The following AP1S2 variants were observed in gnomAD, a reference collection of about 807,000 sequenced individuals.
The protein encoded by AP1S2 is adaptor related protein complex 1 subunit sigma 2.
In AP1S2, 1 loss-of-function variant was observed where a neutral mutation model predicts 14.3. That is an observed-to-expected ratio of 0.07 (90% CI 0.02 to 0.33). The LOEUF is 0.33. Ranked by LOEUF, AP1S2 falls within the 10% of genes least tolerant of loss-of-function variation. AP1S2 has a pLI of 0.99. For synonymous variants in AP1S2, 30 were observed against 40.5 expected, an observed-to-expected ratio of 0.74 and a Z score of 0.99; for missense variants, 30 against 117.7, an observed-to-expected ratio of 0.25 and a Z score of 3.45.
intron 1 of AP1S2, among the ~76,000 whole-genome samples, chrX:15,853,507 CT>C (rs1229338237): frequency 3.6e-5 from 4 of 111,950 alleles, no homozygotes; most frequent in Non-Finnish European, 7.5e-5. Flanking sequence ...ATCCTTTTTT[CT>C]TTTAATCACT....
rs1933290847 is a variant in AP1S2 at position 15,827,172 on chromosome X, A to T, written c.*153T>A. The T allele has an allele frequency of 8.2e-6, 4 of 489,027 alleles. No individual in the cohort carries two copies. The highest frequency in any genetic ancestry group is 3.0e-5 in the South Asian group (1 of 32,825). 40.3% of individuals were successfully genotyped at this position (489,027 alleles called of 1,213,427 possible). ...ACTTAATTAACTAAAGTTCCCTTTTAAAAAAAAATTGTGTAGGCATGAATG... is the reference window on the plus strand; with the variant it reads ...ACTTAATTAACTAAAGTTCCCTTTTTAAAAAAAATTGTGTAGGCATGAATG... On this transcript the variant is annotated 3_prime_UTR_variant, in exon 6 of 6. Coordinates refer to ENST00000672987, the MANE Select transcript of AP1S2 (RefSeq NM_001272071.2).
At chrX:15,848,480 G>A (rs776049526) in intron 2 of AP1S2, among the ~76,000 whole-genome samples, 45 of 111,556 alleles carry the variant, frequency 4.0e-4, no homozygotes, top group Non-Finnish European at 7.5e-4. Flanking sequence ...CCCATACCTG[G>A]CAAAAATTAA....
At chrX:15,848,250 C>G in intron 2 of AP1S2, among the ~76,000 whole-genome samples, 1 of 111,415 alleles carries the variant, frequency 9.0e-6, no homozygotes, top group Non-Finnish European at 1.9e-5. Flanking sequence ...AATTAAGTAC[C>G]ATTCACTGAA....
At position 15,834,458 on chromosome X, in the gene AP1S2, AT is replaced by A. The variant is rs1489396986; in HGVS notation, c.427-6259del. ...TTCCAAAATATATATATATATATAT[AT>A]ATATATATATATATATATATAATTT... is the stretch of plus-strand genomic sequence containing the variant. On this transcript the variant is annotated intron_variant, in intron 4 of 5. Transcript: ENST00000672987. Among the ~76,000 whole-genome samples, 78 of 32,796 alleles carry A rather than the reference AT, an allele frequency of 2.4e-3. 2 individuals are homozygous for A. The highest frequency in any genetic ancestry group is 8.3e-3 in the African/African-American group (54 of 6,526). 28.5% of individuals were successfully genotyped at this position (32,796 alleles called of 115,157 possible). A position where few individuals can be genotyped will look rare whatever the true frequency, so the allele number is the denominator to read the frequency against.
intron 1 of AP1S2, chrX:15,852,836 A>T (rs1348531473): frequency 4.1e-6 from 3 of 739,390 alleles, no homozygotes; most frequent in Non-Finnish European, 4.8e-6. Context: ...TCAATTTAAG[A>T]AACTATTTTC....
chrX:15,853,601 CG>C (rs1934241677), intron 1 of AP1S2, among the ~76,000 whole-genome samples: 1 of 111,970 alleles, frequency 8.9e-6, no homozygotes, highest in African/African-American at 3.3e-5. Flanking sequence ...AATTTGAACA[CG>C]GGGAGGGGAA....
At chrX:15,843,148 T>C (rs1473738513) in intron 4 of AP1S2, among the ~76,000 whole-genome samples, 2 of 112,142 alleles carry the variant, frequency 1.8e-5, no homozygotes, top group African/African-American at 3.2e-5. Context: ...TAAATGTGGA[T>C]CTGCAATAAT....
intron 2 of AP1S2, among the ~76,000 whole-genome samples, chrX:15,847,184 A>G (rs1182257587): frequency 9.0e-6 from 1 of 111,705 alleles, no homozygotes; most frequent in African/African-American, 3.3e-5. Flanking sequence ...TTTGAGACTC[A>G]ATGAATTCTT....
At chrX:15,830,533 T>C (rs1933401190) in intron 4 of AP1S2, 1 of 693,550 alleles carries the variant, frequency 1.4e-6, no homozygotes, top group Non-Finnish European at 1.7e-6. Flanking sequence ...AACTTAGGCT[T>C]TATGCTCTCT....
intron 4 of AP1S2, chrX:15,830,633 T>C (rs1359428898): frequency 1.6e-6 from 1 of 626,546 alleles, no homozygotes; most frequent in Non-Finnish European, 1.9e-6. Context: ...ATATTAAAGG[T>C]TTTAAAATTC....
intron 1 of AP1S2, among the ~76,000 whole-genome samples, chrX:15,854,268 T>TC (rs202012751): frequency 0.012 from 1,298 of 108,346 alleles, 40 homozygotes; most frequent in East Asian, 0.11. Flanking sequence ...CGCCGGTGCC[T>TC]CCCCCCCACT....
intron 2 of AP1S2, among the ~76,000 whole-genome samples, chrX:15,851,683 T>C (rs1272238760): frequency 8.9e-6 from 1 of 112,261 alleles, no homozygotes; most frequent in African/African-American, 3.2e-5. Context: ...AAAAAAATTT[T>C]AGTGTTAAAA....
At chrX:15,841,791 A>G (rs998488775) in intron 4 of AP1S2, among the ~76,000 whole-genome samples, 1 of 112,368 alleles carries the variant, frequency 8.9e-6, no homozygotes, top group African/African-American at 3.2e-5. Context: ...ATTTCTCACT[A>G]TATGACTGAG....
intron 4 of AP1S2, among the ~76,000 whole-genome samples, chrX:15,840,745 A>T (rs1247356439): frequency 2.7e-5 from 3 of 112,514 alleles, no homozygotes; most frequent in Non-Finnish European, 5.6e-5. Flanking sequence ...AATCTAGCTT[A>T]AAATAGGTGG....
chrX:15,826,339 A>G lies in AP1S2; in HGVS notation c.*986T>C, dbSNP rs1012605479. ...AAGAAATGTGTCTTTTTAAATTTTT[A>G]TAAGACTTCTGTTAACTAGGCAGTG... On this transcript the variant is annotated 3_prime_UTR_variant, in exon 6 of 6. Coordinates refer to ENST00000672987, the MANE Select transcript of AP1S2 (RefSeq NM_001272071.2). 2 of 112,469 alleles carry G rather than the reference A, an allele frequency of 1.8e-5. No individual in the cohort carries two copies. Among genetic ancestry groups the G allele is most frequent in the Non-Finnish European group, 3.8e-5 (2 of 53,271 alleles). 9.3% of individuals were successfully genotyped at this position (112,469 alleles called of 1,213,427 possible). A position where few individuals can be genotyped will look rare whatever the true frequency, so the allele number is the denominator to read the frequency against.
chrX:15,854,776 G>A lies in AP1S2; in HGVS notation c.-89C>T. 1 of 816,346 alleles carries A rather than the reference G, an allele frequency of 1.2e-6. No homozygotes were observed. Among genetic ancestry groups the A allele is most frequent in the Non-Finnish European group, 1.5e-6 (1 of 676,165 alleles). 67.3% of individuals were successfully genotyped at this position (816,346 alleles called of 1,213,427 possible). A position where few individuals can be genotyped will look rare whatever the true frequency, so the allele number is the denominator to read the frequency against. ...GCCCCTGTCGCCGTGCTGAGGAAGA[G>A]AAGCCGTGGTGCTGTGGGGAGGACA... On this transcript the variant is annotated 5_prime_UTR_variant, in exon 1 of 6. Transcript: ENST00000672987.
At chrX:15,845,254 C>T in intron 4 of AP1S2, 125 bp downstream of exon 4, 1 of 1,142,915 alleles carries the variant, frequency 8.7e-7, no homozygotes, top group Non-Finnish European at 1.2e-6. Flanking sequence ...ATAAACTGCA[C>T]ATGGATGGAC....
intron 4 of AP1S2, among the ~76,000 whole-genome samples, chrX:15,834,481 A>ATATATATATATATATATT (rs1569080380): frequency 3.8e-4 from 5 of 13,012 alleles, no homozygotes; most frequent in African/African-American, 4.1e-4. Context: ...TATATATATA[A>ATATATATATATATATATT]TTTTTTTTTT....
intron 4 of AP1S2, among the ~76,000 whole-genome samples, chrX:15,841,072 T>C (rs1233676026): frequency 8.9e-6 from 1 of 112,347 alleles, no homozygotes; most frequent in African/African-American, 3.2e-5. Flanking sequence ...TTTTAGCAAC[T>C]ATTATTTGAA....
Sources: gnomAD v4.1 joint callset for allele counts (sites outside exome capture counted in the v4.1 genomes callset) on GRCh38, gnomAD v4.1.1 for gene constraint, MANE v1.5 for transcripts, NCBI Gene and HGNC (gene_info 2026-07-23, HGNC 2026-07-21) for gene names.